Variants in ERO1B observed in about 807,000 individuals in gnomAD.
ERO1B encodes ERO1-like protein beta.
Under a neutral mutation model 75.3 loss-of-function variants are expected in ERO1B, and 49 were observed. That is an observed-to-expected ratio of 0.65 (90% CI 0.52 to 0.83). The LOEUF is 0.83. Ranked by LOEUF, ERO1B falls within the 40% of genes least tolerant of loss-of-function variation. The probability of loss-of-function intolerance (pLI) is 0.00; values close to 1 mark genes in which losing one functional copy is unlikely to be tolerated. For missense variants in ERO1B, 512 were observed against 560.1 expected (o/e 0.91, Z 0.87); for synonymous variants, 191 against 192.9 (o/e 0.99, Z 0.08).
intron 2 of ERO1B, among the ~76,000 whole-genome samples, chr1:236,259,222 G>A (rs934852001): frequency 2.0e-5 from 3 of 151,996 alleles, no homozygotes; most frequent in African/African-American, 7.2e-5. Context: ...TAACTACAAA[G>A]CAAAAACCTT....
In ERO1B at chr1:236,236,315, T is replaced by C. The variant is rs778350626; in HGVS notation, c.589A>G (p.Arg197Gly). The part of the protein sequence containing the change: ...YTGYKGTSAW[R>G]VWNSIYEENC... ...TCTTCATAGATGCTGTTCCACACTCTCCATGCAGAGGTCCCTTTATAGCCA... is the reference window on the plus strand; with the variant it reads ...TCTTCATAGATGCTGTTCCACACTCCCCATGCAGAGGTCCCTTTATAGCCA... Residue 197 changes from arginine (R) to glycine (G), a missense_variant, in exon 7 of 16, where the codon AGA (arginine) becomes GGA (glycine). Arg to Gly is a moderately radical substitution (Grantham distance 125). Transcript: ENST00000354619. 8 of 1,611,784 alleles carry C rather than the reference T, an allele frequency of 5.0e-6. No homozygotes were observed. The Admixed American group carries it at 1.0e-4, about 20-fold the overall frequency.
chr1:236,224,221 T>C (rs1041172770), intron 13 of ERO1B, among the ~76,000 whole-genome samples: 4 of 152,170 alleles, frequency 2.6e-5, no homozygotes, highest in African/African-American at 9.7e-5. Context: ...AGGTCAGGTT[T>C]TGCTAAAAAA....
intron 6 of ERO1B, among the ~76,000 whole-genome samples, chr1:236,242,395 T>C (rs1558511899): frequency 6.6e-6 from 1 of 152,172 alleles, no homozygotes; most frequent in Non-Finnish European, 1.5e-5. Context: ...ACCAATTCTC[T>C]ATATCATAGA....
intron 9 of ERO1B, 142 bp downstream of exon 9, chr1:236,232,686 T>A (rs1664437491): frequency 1.8e-6 from 1 of 553,350 alleles, no homozygotes; most frequent in African/African-American, 1.9e-5. Context: ...AATCTTTTTT[T>A]TTTTGGTCAC....
chr1:236,239,098 G>A (rs1664617297), intron 6 of ERO1B, among the ~76,000 whole-genome samples: 1 of 151,944 alleles, frequency 6.6e-6, no homozygotes, highest in Admixed American at 6.6e-5. Flanking sequence ...ATTACATCAG[G>A]TTTTATAACT....
intron 10 of ERO1B, among the ~76,000 whole-genome samples, chr1:236,229,243 G>A (rs144048147): frequency 9.5e-4 from 144 of 152,058 alleles, no homozygotes; most frequent in African/African-American, 3.2e-3. Context: ...TGGCCAACAC[G>A]GCGAAACCTC....
At chr1:236,237,761 G>A (rs1191372291) in intron 6 of ERO1B, among the ~76,000 whole-genome samples, 1 of 152,078 alleles carries the variant, frequency 6.6e-6, no homozygotes, top group African/African-American at 2.4e-5. Flanking sequence ...GTATTCCCTG[G>A]ACAGTCAATG....
chr1:236,225,737 C>A (rs1032967600), intron 12 of ERO1B, among the ~76,000 whole-genome samples: 11 of 152,180 alleles, frequency 7.2e-5, no homozygotes, highest in Non-Finnish European at 1.2e-4. Flanking sequence ...GAGCTTGAGA[C>A]CAGCCTGTCC....
At position 236,236,387 on chromosome 1, in the gene ERO1B, G is replaced by GA; in HGVS notation, c.516dup (p.Pro173SerfsTer19). The stretch of plus-strand genomic sequence containing the variant: ...AATAGGTCTACATACTGAGCAGCTG[G>GA]AGATCTCTCATCTGAACAAGAAAAA... On this transcript the variant is annotated frameshift_variant, in exon 7 of 16. Coordinates refer to ENST00000354619, the MANE Select transcript of ERO1B (RefSeq NM_019891.4). LOFTEE classifies it high-confidence loss of function. 2.5e-6 allele frequency: 4 copies of GA among 1,613,546 alleles called. No individual in the cohort carries two copies. The highest frequency in any genetic ancestry group is 3.4e-6 in the Non-Finnish European group (4 of 1,179,788).
chr1:236,279,592 G>A (rs1189730240), intron 1 of ERO1B, among the ~76,000 whole-genome samples: 2 of 151,046 alleles, frequency 1.3e-5, no homozygotes, highest in African/African-American at 4.9e-5. Flanking sequence ...ACTTTGGGAG[G>A]CCGAGGCAGG....
chr1:236,251,486 A>G, intron 4 of ERO1B: 1 of 980,774 alleles, frequency 1.0e-6, no homozygotes, highest in Non-Finnish European at 1.2e-6. Flanking sequence ...AGAGAGAGCA[A>G]GAAGAAAACG....
chr1:236,240,458 A>G (rs574660061), intron 6 of ERO1B, among the ~76,000 whole-genome samples: 2 of 152,226 alleles, frequency 1.3e-5, no homozygotes, highest in African/African-American at 4.8e-5. Context: ...CCTACCCCAA[A>G]CTGCTACTAA....
At chr1:236,219,000 T>C (rs1028169331) in intron 15 of ERO1B, among the ~76,000 whole-genome samples, 8 of 152,094 alleles carry the variant, frequency 5.3e-5, no homozygotes, top group African/African-American at 1.9e-4. Context: ...CTGTGCCCCA[T>C]ACCCATTGAT....
intron 1 of ERO1B, among the ~76,000 whole-genome samples, chr1:236,276,759 G>A (rs1428987355): frequency 6.6e-6 from 1 of 152,182 alleles, no homozygotes; most frequent in Non-Finnish European, 1.5e-5. Context: ...ATAGGCAAAG[G>A]CAGAAGGAAT....
rs1664156888 is a variant in ERO1B at position 236,221,966 on chromosome 1, G to A, written c.1167C>T (p.Asp389=). The A allele has an allele frequency of 6.2e-7, 1 of 1,613,544 alleles. No homozygotes were observed. The highest frequency in any genetic ancestry group is 1.7e-5 in the Admixed American group (1 of 59,982). ...ATCTGCATTTGTCACATCCAACACAGTCCATTATACGGGAGATATTCTTGA... is the reference window on the plus strand; with the variant it reads ...ATCTGCATTTGTCACATCCAACACAATCCATTATACGGGAGATATTCTTGA... ...LHFKNISRIM[D]CVGCDKCRLW... is the part of the protein sequence containing the mutation. The change falls in exon 14 of 16, where the codon GAC becomes GAT. Residue 389 remains aspartate (D), a synonymous_variant. Transcript: ENST00000354619.
chr1:236,251,831 T>C (rs1211837908), intron 4 of ERO1B, among the ~76,000 whole-genome samples: 1 of 152,170 alleles, frequency 6.6e-6, no homozygotes. Flanking sequence ...TAATAGTTGT[T>C]CCAGAGATTC....
Position 236,225,129 on chromosome 1 carries a change from T to C in ERO1B, c.1063A>G (p.Met355Val), listed in dbSNP as rs28674688. The change falls in exon 13 of 16, where the codon ATG (methionine) becomes GTG (valine). Residue 355 changes from methionine (M) to valine (V), a missense_variant. Physicochemically the swap from Met to Val is conservative, Grantham distance 21. Transcript: ENST00000354619. The stretch of plus-strand genomic sequence containing the variant: ...AACATGGATTTCTCATCAAAGTGCA[T>C]GGGAAAGGACCTGATAAAATGATAG... ...NIFQDTKSFPMHFDEKSMFAG... is the reference protein window; with the variant it reads ...NIFQDTKSFPVHFDEKSMFAG... 2.5e-6 allele frequency: 4 copies of C among 1,613,844 alleles called. No homozygotes were observed. Among genetic ancestry groups the C allele is most frequent in the Non-Finnish European group, 3.4e-6 (4 of 1,179,780 alleles).
chr1:236,240,717 G>T (rs1446331392), intron 6 of ERO1B, among the ~76,000 whole-genome samples: 1 of 152,172 alleles, frequency 6.6e-6, no homozygotes, highest in Non-Finnish European at 1.5e-5. Context: ...AGGCACTAGG[G>T]ATACATTAGT....
intron 6 of ERO1B, among the ~76,000 whole-genome samples, chr1:236,239,835 G>GTATATATATA (rs764354290): frequency 1.2e-4 from 5 of 42,346 alleles, no homozygotes; most frequent in African/African-American, 1.4e-4. Flanking sequence ...GTATATATAT[G>GTATATATATA]TGTATATATA....
Sources: allele counts gnomAD v4.1 joint callset (sites outside exome capture counted in the v4.1 genomes callset), GRCh38; gene constraint gnomAD v4.1.1; transcripts MANE v1.5; gene names NCBI Gene and HGNC (gene_info 2026-07-23, HGNC 2026-07-21).